Variants in ZNF578 observed in about 807,000 individuals in gnomAD.
ZNF578 encodes the protein zinc finger protein 578.
ZNF578 carries 8 observed loss-of-function variants against 8.3 expected under a neutral mutation model. The ratio of observed to expected loss-of-function variants is 0.96; its 90% CI spans 0.56 to 1.74. ZNF578 has a LOEUF of 1.74. ZNF578 is among the 40% of genes most tolerant of loss of function. The pLI is 0.00. For missense variants in ZNF578, 726 were observed against 707.5 expected, an observed-to-expected ratio of 1.03 and a Z score of -0.30; for synonymous variants, 206 against 232.2, an observed-to-expected ratio of 0.89 and a Z score of 1.03.
chr19:52,454,575 C>T (rs967461788), intron 1 of ZNF578: 5 of 151,056 alleles, frequency 3.3e-5, no homozygotes, highest in Admixed American at 6.6e-5. Context: ...GTTGGGTTTA[C>T]TCATTTGTTT....
At chr19:52,485,912 C>T (rs1377238080) in intron 2 of ZNF578, among the ~76,000 whole-genome samples, 2 of 152,056 alleles carry the variant, frequency 1.3e-5, no homozygotes, top group Non-Finnish European at 2.9e-5. Context: ...AATATGGCCT[C>T]GTGGGAAGGG....
intron 2 of ZNF578, chr19:52,474,569 C>A (rs1033217676): frequency 3.2e-6 from 1 of 315,814 alleles, no homozygotes; most frequent in Non-Finnish European, 6.6e-6. Flanking sequence ...GGTTTCTCTC[C>A]AGTATGAATT....
intron 3 of ZNF578, among the ~76,000 whole-genome samples, chr19:52,494,509 G>T (rs2059378853): frequency 6.6e-6 from 1 of 152,122 alleles, no homozygotes; most frequent in Admixed American, 6.6e-5. Context: ...AAGAAAAAAA[G>T]GGTTGGGGAC....
chr19:52,514,326 A>G lies in ZNF578; in HGVS notation c.*2172A>G, dbSNP rs961135983. Among the ~76,000 whole-genome samples the G allele has an allele frequency of 1.3e-5, 2 of 152,160 alleles. No homozygotes were observed. The highest frequency in any genetic ancestry group is 4.8e-5 in the African/African-American group (2 of 41,424). ...GAGATTTTTTTCCTACAACAATTTC[A>G]AAAGAGTTGCTGTTTGAAATTAGTT... On this transcript the variant is annotated 3_prime_UTR_variant, in exon 6 of 6. Transcript: ENST00000421239.
intron 5 of ZNF578, among the ~76,000 whole-genome samples, chr19:52,505,140 G>A (rs1474547579): frequency 6.6e-6 from 1 of 152,160 alleles, no homozygotes; most frequent in African/African-American, 2.4e-5. Context: ...GCCCACCTTG[G>A]CCTCCCAAAG....
chr19:52,480,595 T>A (rs1004852605), intron 2 of ZNF578, among the ~76,000 whole-genome samples: 9 of 139,322 alleles, frequency 6.5e-5, no homozygotes, highest in Admixed American at 7.2e-5. Context: ...TGTAAGGATT[T>A]AAAAAAAAAA....
At chr19:52,510,487 T>A (rs888827468) in intron 5 of ZNF578, 85 bp from the exon 6 acceptor site, 82 of 1,390,134 alleles carry the variant, frequency 5.9e-5, no homozygotes, top group Non-Finnish European at 7.2e-5. Flanking sequence ...AAAATAAGTA[T>A]TTTTTATTGT....
intron 5 of ZNF578, among the ~76,000 whole-genome samples, chr19:52,509,600 CT>C (rs1265979090): frequency 6.6e-6 from 1 of 152,088 alleles, no homozygotes; most frequent in African/African-American, 2.4e-5. Flanking sequence ...AACCCGGTCT[CT>C]ACCAAAAACA....
chr19:52,512,129 C>G lies in ZNF578; in HGVS notation c.1748C>G (p.Ser583Ter), dbSNP rs1462757572. The G allele has an allele frequency of 3.7e-6, 6 of 1,613,618 alleles. No individual in the cohort carries two copies. The South Asian group carries it at 6.6e-5, about 18-fold the overall frequency. ...GCTCACAATCACTTGATTGATTCATCAATCAAGCCTTGCATGTCATCATAG... is the reference window on the plus strand; with the variant it reads ...GCTCACAATCACTTGATTGATTCATGAATCAAGCCTTGCATGTCATCATAG... The part of the protein sequence containing the change: ...GKAHNHLIDS[S>*]IKPCMSS The change falls in exon 6 of 6, where the codon TCA (serine) becomes TGA (stop). Residue 583 changes from serine (S) to a stop codon, truncating the protein, a stop_gained. Coordinates refer to ENST00000421239, the MANE Select transcript of ZNF578 (RefSeq NM_001099694.2). LOFTEE classifies it low-confidence loss of function (END_TRUNC).
intron 3 of ZNF578, 118 bp from the exon 4 acceptor site, chr19:52,501,709 A>G (rs1443049881): frequency 2.1e-6 from 2 of 947,204 alleles, no homozygotes; most frequent in Admixed American, 2.8e-5. Context: ...TCTCTGGTGC[A>G]GTGGGCAGTG....
At position 52,516,163 on chromosome 19, in the gene ZNF578, CCTT is replaced by C. The variant is rs1568470482; in HGVS notation, c.*4011_*4013del. 6.6e-6 allele frequency among the ~76,000 whole-genome samples: 1 copy of C among 152,222 alleles called. No individual in the cohort carries two copies. Among genetic ancestry groups the C allele is most frequent in the Non-Finnish European group, 1.5e-5 (1 of 68,040 alleles). On this transcript the variant is annotated 3_prime_UTR_variant, in exon 6 of 6. Coordinates refer to ENST00000421239, the MANE Select transcript of ZNF578 (RefSeq NM_001099694.2). The stretch of plus-strand genomic sequence containing the variant: ...CCTATGTACCCTGTCCCTTTCTCCT[CCTT>C]CAGGTCTAGGCTCAGAGCTCTCTCC...
Position 52,511,611 on chromosome 19 carries a change from A to G in ZNF578, c.1230A>G (p.Gln410=), listed in dbSNP as rs2059447279. 6.2e-7 allele frequency: 1 copy of G among 1,613,092 alleles called. No individual in the cohort carries two copies. The highest frequency in any genetic ancestry group is 1.3e-5 in the African/African-American group (1 of 74,994). The change falls in exon 6 of 6, where the codon CAA becomes CAG. Residue 410 remains glutamine (Q), a synonymous_variant. Transcript: ENST00000421239. ...ATGAATGTGGCAAGGCTTTTAATCA[A>G]CAATCACACCTTTCACGTCATCATA... ...KCNECGKAFN[Q]QSHLSRHHRL...
intron 3 of ZNF578, among the ~76,000 whole-genome samples, chr19:52,498,649 A>G (rs2059395740): frequency 6.9e-6 from 1 of 144,120 alleles, no homozygotes; most frequent in African/African-American, 2.6e-5. Flanking sequence ...TGCCAAAATG[A>G]TGGGATTACA....
chr19:52,459,769 A>ATATATATTTTTT (rs1555751349), intron 2 of ZNF578, among the ~76,000 whole-genome samples: 244 of 17,622 alleles, frequency 0.014, 46 homozygotes, highest in Non-Finnish European at 0.02. Context: ...ATATATATAT[A>ATATATATTTTTT]TTTTTTTTTT....
intron 1 of ZNF578, chr19:52,454,310 A>G (rs923079216): frequency 6.6e-6 from 1 of 152,214 alleles, no homozygotes; most frequent in Non-Finnish European, 1.5e-5. Context: ...CCCCACTAAC[A>G]AGCAGTTCTC....
intron 3 of ZNF578, among the ~76,000 whole-genome samples, chr19:52,500,549 A>G (rs961786358): frequency 4.0e-5 from 6 of 151,288 alleles, no homozygotes; most frequent in Non-Finnish European, 5.9e-5. Flanking sequence ...TGCCCAGATC[A>G]TTTTTGTATT....
rs1170028707 is a variant in ZNF578, at chr19:52,512,934, C to T, written c.*780C>T. 6.6e-6 allele frequency among the ~76,000 whole-genome samples: 1 copy of T among 152,146 alleles called. No individual in the cohort carries two copies. Among genetic ancestry groups the T allele is most frequent in the Admixed American group, 6.5e-5 (1 of 15,268 alleles). ...GTGGATCACGCCTGTAATCCCAGCACATTGGGAGGCCAAGGCACATAGGTC... is the reference window on the plus strand; with the variant it reads ...GTGGATCACGCCTGTAATCCCAGCATATTGGGAGGCCAAGGCACATAGGTC... On this transcript the variant is annotated 3_prime_UTR_variant, in exon 6 of 6. Coordinates refer to ENST00000421239, the MANE Select transcript of ZNF578 (RefSeq NM_001099694.2).
chr19:52,468,227 G>A lies in ZNF578; in HGVS notation c.-122+11269G>A, dbSNP rs367733082. Among the ~76,000 whole-genome samples the A allele has an allele frequency of 3.5e-4, 53 of 152,056 alleles. 2 individuals carry two copies. The South Asian group carries it at 6.9e-3, about 20-fold the overall frequency. On this transcript the variant is annotated intron_variant, in intron 2 of 5. Transcript: ENST00000421239. ...CAAAAATGACATTTCTGTAGCTTTTGGAAAAATGCTCTTCTAGTAGAGTCC... is the reference window on the plus strand; with the variant it reads ...CAAAAATGACATTTCTGTAGCTTTTAGAAAAATGCTCTTCTAGTAGAGTCC...
At chr19:52,487,009 T>A in intron 2 of ZNF578, among the ~76,000 whole-genome samples, 1 of 147,240 alleles carries the variant, frequency 6.8e-6, no homozygotes, top group Non-Finnish European at 1.5e-5. Flanking sequence ...ATGAGAGAGA[T>A]ATACAGAATT....
Sources: gnomAD v4.1 joint callset for allele counts (sites outside exome capture counted in the v4.1 genomes callset) on GRCh38, gnomAD v4.1.1 for gene constraint, MANE v1.5 for transcripts, NCBI Gene and HGNC (gene_info 2026-07-23, HGNC 2026-07-21) for gene names.